GAS7: variants seen among roughly 807,000 people sequenced by gnomAD.
GAS7 encodes growth arrest specific 7, also known as growth arrest-specific protein 7.
GAS7 carries 28 observed loss-of-function variants against 71.1 expected under a neutral mutation model. The ratio of observed to expected loss-of-function variants is 0.39; its 90% CI spans 0.29 to 0.54. GAS7 has a LOEUF of 0.54. Ranked by LOEUF, GAS7 falls within the 20% of genes least tolerant of loss-of-function variation. GAS7 has a pLI of 0.62. For synonymous variants in GAS7, 258 were observed against 245.8 expected (o/e 1.05, Z -0.46); for missense variants, 436 against 627.8 (o/e 0.69, Z 3.27).
chr17:10,191,832 G>C (rs1050083198), intron 1 of GAS7, among the ~76,000 whole-genome samples: 2 of 142,038 alleles, frequency 1.4e-5, no homozygotes, highest in Non-Finnish European at 3.0e-5. Context: ...CCGAGATCAC[G>C]CCACTGCACT....
chr17:10,147,401 T>C (rs2074129971), intron 1 of GAS7, among the ~76,000 whole-genome samples: 2 of 152,120 alleles, frequency 1.3e-5, no homozygotes, highest in Admixed American at 1.3e-4. Context: ...CTCTCTGAAA[T>C]TTACAAAAAT....
At chr17:9,955,088 TGGG>T (rs2069176622) in intron 5 of GAS7, among the ~76,000 whole-genome samples, 1 of 152,204 alleles carries the variant, frequency 6.6e-6, no homozygotes, top group Non-Finnish European at 1.5e-5. Context: ...TCCTAATTCC[TGGG>T]CCACCACTTT....
intron 9 of GAS7, among the ~76,000 whole-genome samples, chr17:9,928,181 C>T (rs557614433): frequency 4.6e-5 from 7 of 151,930 alleles, no homozygotes; most frequent in African/African-American, 1.2e-4. Context: ...GACGCGATCT[C>T]GGCTCACTGC....
At chr17:10,144,090 C>T (rs148637696) in intron 1 of GAS7, among the ~76,000 whole-genome samples, 3 of 151,926 alleles carry the variant, frequency 2.0e-5, no homozygotes, top group African/African-American at 7.2e-5. Context: ...GGACTCGGAG[C>T]GGCAGAAAAG....
chr17:10,131,966 CAT>C (rs1335428540), intron 1 of GAS7, among the ~76,000 whole-genome samples: 2 of 152,132 alleles, frequency 1.3e-5, no homozygotes, highest in Non-Finnish European at 2.9e-5. Context: ...TACATGTGCT[CAT>C]GAGTGTATTA....
chr17:10,171,904 T>A (rs993840233), intron 1 of GAS7, among the ~76,000 whole-genome samples: 1 of 152,162 alleles, frequency 6.6e-6, no homozygotes, highest in Non-Finnish European at 1.5e-5. Flanking sequence ...ACACAGGAAA[T>A]GCCACTTAAG....
chr17:9,916,897 G>T lies in GAS7; in HGVS notation c.*331C>A. The T allele has an allele frequency of 2.1e-6, 1 of 472,630 alleles. No homozygotes were observed. The highest frequency in any genetic ancestry group is 5.4e-5 in the South Asian group (1 of 18,440). The allele number at this position is 472,630 out of a possible 1,614,324, so 29.3% of individuals were successfully genotyped here. ...GGAGGAAGAGCCTTGGGGCTTCCAGGGCACAAGCATGTGACAGTGACCCCT... is the reference window on the plus strand; with the variant it reads ...GGAGGAAGAGCCTTGGGGCTTCCAGTGCACAAGCATGTGACAGTGACCCCT... On this transcript the variant is annotated 3_prime_UTR_variant, in exon 14 of 14. Coordinates refer to ENST00000432992, the MANE Select transcript of GAS7 (RefSeq NM_201433.2).
intron 1 of GAS7, among the ~76,000 whole-genome samples, chr17:10,056,992 C>T (rs547418439): frequency 6.6e-6 from 1 of 152,180 alleles, no homozygotes; most frequent in Non-Finnish European, 1.5e-5. Context: ...GACGGGGTTT[C>T]GCTGTGTTGG....
At position 9,917,998 on chromosome 17, in the gene GAS7, C is replaced by T; in HGVS notation, c.1317+3G>A. On this transcript the variant is annotated splice_donor_region_variant and intron_variant, in intron 13 of 13. Transcript: ENST00000432992. ...CGGGAGCCCCGCTGGGCTGGAAACT[C>T]ACGCTTTGGTTGAACATGTCTGTTT... is the stretch of plus-strand genomic sequence containing the variant. The T allele has an allele frequency of 6.2e-7, 1 of 1,609,844 alleles. No individual in the cohort carries two copies.
intron 1 of GAS7, among the ~76,000 whole-genome samples, chr17:10,044,617 T>C (rs1235123005): frequency 6.6e-6 from 1 of 152,226 alleles, no homozygotes; most frequent in Admixed American, 6.5e-5. Context: ...ATTTTTTTGG[T>C]ATTTCTAGAC....
At chr17:9,968,368 C>T (rs972814578) in intron 4 of GAS7, among the ~76,000 whole-genome samples, 1 of 152,156 alleles carries the variant, frequency 6.6e-6, no homozygotes, top group African/African-American at 2.4e-5. Context: ...GGCTGGAAAC[C>T]CAGAACCTCA....
chr17:10,108,597 G>A (rs2073781546), intron 1 of GAS7, among the ~76,000 whole-genome samples: 1 of 152,170 alleles, frequency 6.6e-6, no homozygotes, highest in Non-Finnish European at 1.5e-5. Context: ...TTGCACTGCA[G>A]AGTAACCAGA....
chr17:10,128,511 AC>A (rs968415926), intron 1 of GAS7, among the ~76,000 whole-genome samples: 36 of 151,640 alleles, frequency 2.4e-4, no homozygotes, highest in African/African-American at 8.5e-4. Flanking sequence ...TCCCCCTCTC[AC>A]CCCCTTAACT....
chr17:10,141,607 G>A (rs1391650568), intron 1 of GAS7, among the ~76,000 whole-genome samples: 1 of 152,048 alleles, frequency 6.6e-6, no homozygotes, highest in Non-Finnish European at 1.5e-5. Flanking sequence ...CCTAAAATGT[G>A]CAGGCCCAAC....
At chr17:10,131,419 T>C (rs1330153534) in intron 1 of GAS7, among the ~76,000 whole-genome samples, 1 of 152,132 alleles carries the variant, frequency 6.6e-6, no homozygotes, top group African/African-American at 2.4e-5. Flanking sequence ...AGTCAGGAGT[T>C]TGAGACCAGC....
At chr17:9,941,879 G>C (rs2068615296) in intron 7 of GAS7, among the ~76,000 whole-genome samples, 1 of 152,136 alleles carries the variant, frequency 6.6e-6, no homozygotes, top group African/African-American at 2.4e-5. Context: ...GATCTCATAT[G>C]AAAATAGGCC....
chr17:10,149,675 G>A (rs981932824), intron 1 of GAS7, among the ~76,000 whole-genome samples: 1 of 152,122 alleles, frequency 6.6e-6, no homozygotes, highest in Non-Finnish European at 1.5e-5. Context: ...ATTCACAATA[G>A]CTAGAAAGTA....
At chr17:10,140,033 A>G (rs1242296289) in intron 1 of GAS7, among the ~76,000 whole-genome samples, 3 of 152,210 alleles carry the variant, frequency 2.0e-5, no homozygotes, top group Non-Finnish European at 4.4e-5. Context: ...TAGCCTGCTC[A>G]TGATCTTCTC....
intron 1 of GAS7, among the ~76,000 whole-genome samples, chr17:10,072,019 T>C (rs935239843): frequency 3.9e-5 from 6 of 151,936 alleles, no homozygotes; most frequent in African/African-American, 7.3e-5. Flanking sequence ...CTGCAGGTGC[T>C]ATCGACAGGA....
Sources: allele counts gnomAD v4.1 joint callset (sites outside exome capture counted in the v4.1 genomes callset), GRCh38; gene constraint gnomAD v4.1.1; transcripts MANE v1.5; gene names NCBI Gene and HGNC (gene_info 2026-07-23, HGNC 2026-07-21).